The following NDRG1 variants were observed in gnomAD, a reference collection of about 807,000 sequenced individuals.
NDRG1 encodes protein NDRG1.
A neutral mutation model predicts 56.9 loss-of-function variants in NDRG1; 32 were observed. The ratio of observed to expected loss-of-function variants is 0.56; its 90% CI spans 0.42 to 0.76. NDRG1 has a LOEUF of 0.76. NDRG1 is among the 30% of genes least tolerant of loss of function. NDRG1 has a pLI of 0.00. For synonymous variants in NDRG1, 211 were observed against 204.1 expected, an observed-to-expected ratio of 1.03 and a Z score of -0.29; for missense variants, 507 against 545.7, an observed-to-expected ratio of 0.93 and a Z score of 0.71.
chr8:133,248,816 G>A, intron 10 of NDRG1, 45 bp from the exon 11 acceptor site: 2 of 1,611,554 alleles, frequency 1.2e-6, no homozygotes, highest in South Asian at 1.1e-5. Context: ...CCCTCCCCTG[G>A]AGAAATCTCC....
chr8:133,296,029 G>A (rs958569373), intron 1 of NDRG1, among the ~76,000 whole-genome samples: 12 of 152,086 alleles, frequency 7.9e-5, no homozygotes, highest in African/African-American at 2.9e-4. Flanking sequence ...TATGGGGGAG[G>A]GGTGGGTAAG....
chr8:133,259,062 G>T, intron 6 of NDRG1, 106 bp downstream of exon 6: 1 of 1,197,264 alleles, frequency 8.4e-7, no homozygotes, highest in Non-Finnish European at 1.2e-6. Flanking sequence ...TCTCTAAATT[G>T]CAACCTTAAT....
intron 2 of NDRG1, among the ~76,000 whole-genome samples, chr8:133,282,792 C>T (rs1857887093): frequency 6.6e-6 from 1 of 152,142 alleles, no homozygotes; most frequent in Admixed American, 6.5e-5. Flanking sequence ...CCTTCAATGC[C>T]TAAGATATTT....
intron 3 of NDRG1, 128 bp from the exon 4 acceptor site, chr8:133,264,780 G>A (rs1026588318): frequency 3.3e-5 from 26 of 790,308 alleles, no homozygotes; most frequent in Middle Eastern, 4.7e-4. Flanking sequence ...TAAGAGCCCC[G>A]GCTTCGGGCA....
chr8:133,252,016 C>G (rs1856076939), intron 9 of NDRG1, among the ~76,000 whole-genome samples: 2 of 152,224 alleles, frequency 1.3e-5, no homozygotes, highest in Non-Finnish European at 2.9e-5. Flanking sequence ...CCCCTGGAGC[C>G]TGTGGCGGAG....
At chr8:133,277,655 C>T (rs1346813112) in intron 3 of NDRG1, among the ~76,000 whole-genome samples, 2 of 152,162 alleles carry the variant, frequency 1.3e-5, no homozygotes, top group Non-Finnish European at 2.9e-5. Context: ...TATGACGGAA[C>T]TGTACATTTA....
chr8:133,294,925 C>G (rs983718740), intron 1 of NDRG1, among the ~76,000 whole-genome samples: 5 of 152,344 alleles, frequency 3.3e-5, no homozygotes, highest in Non-Finnish European at 7.3e-5. Flanking sequence ...TCAGTCCCAC[C>G]CAGGAGCCTC....
chr8:133,242,031 A>G lies in NDRG1; in HGVS notation c.935T>C (p.Met312Thr). 6.2e-7 allele frequency: 1 copy of G among 1,614,174 alleles called. No individual in the cohort carries two copies. Among genetic ancestry groups the G allele is most frequent in the Non-Finnish European group, 8.5e-7 (1 of 1,180,018 alleles). ...GGGAATGCCATACTCACTGTATCCC[A>G]TGCCCTGCACGAAGTACTTGAAGGC... is the stretch of plus-strand genomic sequence containing the variant. ...AEAFKYFVQG[M>T]GYMPSASMTR... is the part of the protein sequence containing the mutation. The change falls in exon 15 of 16, where the codon ATG (methionine) becomes ACG (threonine). Residue 312 changes from methionine to threonine, a missense_variant. Coordinates refer to ENST00000323851, the MANE Select transcript of NDRG1 (RefSeq NM_006096.4).
Position 133,239,025 on chromosome 8 carries a change from G to T in NDRG1, c.1038C>A (p.Thr346=), listed in dbSNP as rs1198581271. The T allele has an allele frequency of 8.1e-6, 13 of 1,598,608 alleles. No homozygotes were observed. The highest frequency in any genetic ancestry group is 1.1e-5 in the Non-Finnish European group (13 of 1,174,168). ...GGGAGCGGCTTCGGGTGCCCTCGCT[G>T]GTGTGGGAGCGGCTGCGGGTGCCAT... ...SLDGTRSRSH[T]SEGTRSRSHT... Residue 346 remains threonine, a synonymous_variant, in exon 16 of 16, where the codon ACC becomes ACA. Coordinates refer to ENST00000323851, the MANE Select transcript of NDRG1 (RefSeq NM_006096.4).
intron 1 of NDRG1, among the ~76,000 whole-genome samples, chr8:133,295,241 T>C (rs964935064): frequency 3.9e-5 from 6 of 152,174 alleles, no homozygotes; most frequent in Non-Finnish European, 8.8e-5. Flanking sequence ...AGCCATCCAC[T>C]TCATCCCATG....
intron 9 of NDRG1, 125 bp from the exon 10 acceptor site, chr8:133,250,668 G>T: frequency 3.6e-6 from 3 of 840,924 alleles, no homozygotes; most frequent in South Asian, 2.9e-5. Flanking sequence ...CCACAAGACA[G>T]CGACGGACCT....
intron 2 of NDRG1, among the ~76,000 whole-genome samples, chr8:133,282,744 A>G (rs1484744584): frequency 6.6e-6 from 1 of 152,206 alleles, no homozygotes; most frequent in Admixed American, 6.5e-5. Context: ...TTCTTGCTAT[A>G]ATGGCAAAGT....
chr8:133,241,747 G>A (rs1002235120), intron 15 of NDRG1: 5 of 550,718 alleles, frequency 9.1e-6, no homozygotes, highest in South Asian at 6.7e-5. Flanking sequence ...TCATTGTCTT[G>A]GTGCTTAAAG....
chr8:133,258,470 A>C, intron 6 of NDRG1, 44 bp from the exon 7 acceptor site: 2 of 1,581,580 alleles, frequency 1.3e-6, no homozygotes, highest in Non-Finnish European at 1.7e-6. Flanking sequence ...GGACAGAGTG[A>C]CGGGAGCCTC....
At chr8:133,255,591 T>A in intron 8 of NDRG1, 3 of 340,894 alleles carry the variant, frequency 8.8e-6, no homozygotes, top group Non-Finnish European at 1.2e-5. Flanking sequence ...TGCTGGAAAA[T>A]CAAATAAAAA....
intron 1 of NDRG1, among the ~76,000 whole-genome samples, chr8:133,292,360 CT>C (rs1469769718): frequency 6.6e-6 from 1 of 152,180 alleles, no homozygotes; most frequent in Non-Finnish European, 1.5e-5. Flanking sequence ...CCGATCTTGT[CT>C]ATGCAAGATG....
intron 9 of NDRG1, among the ~76,000 whole-genome samples, chr8:133,253,257 T>C (rs1856172773): frequency 6.6e-6 from 1 of 152,130 alleles, no homozygotes; most frequent in South Asian, 2.1e-4. Flanking sequence ...TCAATCCCCT[T>C]TAGTGGGGTA....
At chr8:133,280,176 A>T in intron 3 of NDRG1, 56 bp downstream of exon 3, 12 of 1,595,096 alleles carry the variant, frequency 7.5e-6, no homozygotes, top group Non-Finnish European at 1.0e-5. Flanking sequence ...GGAAAGAAAA[A>T]GGAAAAAGAG....
chr8:133,268,521 AG>A (rs1857027414), intron 3 of NDRG1, among the ~76,000 whole-genome samples: 1 of 152,224 alleles, frequency 6.6e-6, no homozygotes, highest in Admixed American at 6.5e-5. Context: ...AAGGTCACAC[AG>A]GGGCAGGGCT....
Sources: gnomAD v4.1 joint callset for allele counts (sites outside exome capture counted in the v4.1 genomes callset) on GRCh38, gnomAD v4.1.1 for gene constraint, MANE v1.5 for transcripts, NCBI Gene and HGNC (gene_info 2026-07-23, HGNC 2026-07-21) for gene names.